The following EPHA6 variants were observed in gnomAD, a reference collection of about 807,000 sequenced individuals.
The protein encoded by EPHA6 is ephrin type-A receptor 6.
EPHA6 carries 50 observed loss-of-function variants against 112.0 expected under a neutral mutation model. The ratio of observed to expected loss-of-function variants is 0.45; its 90% confidence interval spans 0.36 to 0.56. EPHA6 has a LOEUF of 0.56. Among genes scored for constraint, EPHA6 ranks in the 20% least tolerant of loss-of-function variants. The pLI is 0.00. For missense variants in EPHA6, 1,280 were observed against 1,417.4 expected, an observed-to-expected ratio of 0.90 and a Z score of 1.56; for synonymous variants, 529 against 490.7, an observed-to-expected ratio of 1.08 and a Z score of -1.03.
intron 10 of EPHA6, among the ~76,000 whole-genome samples, chr3:97,521,493 C>G (rs748195854): frequency 5.3e-5 from 8 of 152,048 alleles, no homozygotes; most frequent in Non-Finnish European, 8.8e-5. Context: ...GGCAGCAGGA[C>G]AGAGAATAAT....
intron 5 of EPHA6, among the ~76,000 whole-genome samples, chr3:97,244,921 T>G (rs967086691): frequency 6.6e-6 from 1 of 152,142 alleles, no homozygotes; most frequent in East Asian, 1.9e-4. Context: ...CTATGATTTT[T>G]ACAAGTATAT....
chr3:97,439,412 A>C (rs2090022266), intron 6 of EPHA6, among the ~76,000 whole-genome samples: 1 of 152,186 alleles, frequency 6.6e-6, no homozygotes, highest in African/African-American at 2.4e-5. Flanking sequence ...TTACCTAAGA[A>C]AAACATTTTA....
At chr3:97,523,661 A>G (rs998218489) in intron 10 of EPHA6, among the ~76,000 whole-genome samples, 1 of 152,002 alleles carries the variant, frequency 6.6e-6, no homozygotes, top group Non-Finnish European at 1.5e-5. Flanking sequence ...TTACTATATT[A>G]TAGTCTATTA....
intron 2 of EPHA6, among the ~76,000 whole-genome samples, chr3:96,985,591 A>T (rs2042991921): frequency 6.6e-6 from 1 of 152,098 alleles, no homozygotes; most frequent in South Asian, 2.1e-4. Flanking sequence ...GAGATTTTTG[A>T]ATCACCCCTG....
chr3:96,849,882 G>A (rs972301517), intron 1 of EPHA6, among the ~76,000 whole-genome samples: 3 of 152,130 alleles, frequency 2.0e-5, no homozygotes, highest in Admixed American at 6.6e-5. Flanking sequence ...AGCATGCTTA[G>A]CAGAGTGCCT....
chr3:97,664,682 T>C (rs949362097), intron 14 of EPHA6, among the ~76,000 whole-genome samples: 7 of 152,058 alleles, frequency 4.6e-5, no homozygotes, highest in African/African-American at 1.7e-4. Flanking sequence ...CAATAACAGA[T>C]AAACAAAGAG....
At chr3:97,225,173 T>C (rs2078318763) in intron 3 of EPHA6, among the ~76,000 whole-genome samples, 1 of 152,192 alleles carries the variant, frequency 6.6e-6, no homozygotes, top group Non-Finnish European at 1.5e-5. Flanking sequence ...GCCAGAATGG[T>C]CTCAATCTCC....
intron 14 of EPHA6, among the ~76,000 whole-genome samples, chr3:97,707,740 G>A (rs1178615436): frequency 1.3e-5 from 2 of 152,154 alleles, no homozygotes; most frequent in Non-Finnish European, 2.9e-5. Context: ...GAGGGACCTG[G>A]TGGGAGGTGA....
intron 9 of EPHA6, among the ~76,000 whole-genome samples, chr3:97,482,240 A>T (rs1284537143): frequency 6.6e-6 from 1 of 152,258 alleles, no homozygotes; most frequent in Non-Finnish European, 1.5e-5. Flanking sequence ...TTAATAAATG[A>T]TGCTTGTTAT....
In EPHA6 at chr3:97,541,784, T is replaced by A. The variant is rs189244643; in HGVS notation, c.2386+9241T>A. The stretch of plus-strand genomic sequence containing the variant: ...AGTTTGTTGTTGTTGTTTTTAATTT[T>A]TAAAAATAATTTCAACTTTTATGTT... On this transcript the variant is annotated intron_variant, in intron 11 of 17. Transcript: ENST00000389672. Among the ~76,000 whole-genome samples the A allele has an allele frequency of 2.5e-3, 385 of 151,878 alleles. 4 individuals are homozygous for A. Among genetic ancestry groups the A allele is most frequent in the African/African-American group, 9.0e-3 (375 of 41,478 alleles).
intron 3 of EPHA6, among the ~76,000 whole-genome samples, chr3:97,180,865 G>A (rs776906023): frequency 2.0e-5 from 3 of 152,006 alleles, no homozygotes; most frequent in Admixed American, 1.3e-4. Flanking sequence ...CCTAGCTAGC[G>A]TCTCAGTATA....
At chr3:97,646,603 G>C (rs1431878609) in intron 14 of EPHA6, among the ~76,000 whole-genome samples, 3 of 151,974 alleles carry the variant, frequency 2.0e-5, no homozygotes, top group Non-Finnish European at 4.4e-5. Flanking sequence ...TCCCAAAAAA[G>C]GACTCCCATT....
At chr3:97,047,490 ACT>A (rs1194374761) in intron 3 of EPHA6, among the ~76,000 whole-genome samples, 2 of 129,592 alleles carry the variant, frequency 1.5e-5, no homozygotes, top group African/African-American at 3.2e-5. Flanking sequence ...ACAGAGTGAG[ACT>A]CTGTCTCAAA....
At chr3:97,344,679 T>C (rs1300698391) in intron 5 of EPHA6, among the ~76,000 whole-genome samples, 1 of 152,212 alleles carries the variant, frequency 6.6e-6, no homozygotes, top group Non-Finnish European at 1.5e-5. Flanking sequence ...GTATATGAGT[T>C]CCCAGTTGTT....
At chr3:96,894,219 A>G (rs1364005669) in intron 2 of EPHA6, among the ~76,000 whole-genome samples, 1 of 152,208 alleles carries the variant, frequency 6.6e-6, no homozygotes, top group Non-Finnish European at 1.5e-5. Context: ...TTACAAGAAC[A>G]ATAAGAACTC....
chr3:96,956,201 A>G (rs2041751539), intron 2 of EPHA6, among the ~76,000 whole-genome samples: 1 of 152,172 alleles, frequency 6.6e-6, no homozygotes, highest in African/African-American at 2.4e-5. Context: ...AACAATCCAT[A>G]CACATAGAGA....
At chr3:97,163,835 A>G (rs1328120258) in intron 3 of EPHA6, among the ~76,000 whole-genome samples, 3 of 152,144 alleles carry the variant, frequency 2.0e-5, no homozygotes, top group African/African-American at 7.2e-5. Flanking sequence ...ACAGAATTCT[A>G]TTTCTTCCCA....
At chr3:97,018,922 C>T (rs1198771746) in intron 3 of EPHA6, among the ~76,000 whole-genome samples, 5 of 152,150 alleles carry the variant, frequency 3.3e-5, no homozygotes, top group Non-Finnish European at 5.9e-5. Context: ...CTGGCGTTAC[C>T]GCTAGAGCAA....
chr3:97,267,405 CT>C (rs1261798513), intron 5 of EPHA6, among the ~76,000 whole-genome samples: 1 of 151,700 alleles, frequency 6.6e-6, no homozygotes, highest in Non-Finnish European at 1.5e-5. Flanking sequence ...GAGTCCACCC[CT>C]ATTAGAATAA....
Sources: gnomAD v4.1 joint callset for allele counts (sites outside exome capture counted in the v4.1 genomes callset) on GRCh38, gnomAD v4.1.1 for gene constraint, MANE v1.5 for transcripts, NCBI Gene and HGNC (gene_info 2026-07-23, HGNC 2026-07-21) for gene names.